The following RAPGEF4 variants were observed in gnomAD, a reference collection of about 807,000 sequenced individuals.
RAPGEF4 encodes RAP guanine-nucleotide-exchange factor (GEF) 4.
Under a neutral mutation model 147.9 loss-of-function variants are expected in RAPGEF4, and 66 were observed. The ratio of observed to expected loss-of-function variants is 0.45; its 90% CI spans 0.37 to 0.55. RAPGEF4 has a LOEUF of 0.55. Ranked by LOEUF, RAPGEF4 falls within the 20% of genes least tolerant of loss-of-function variation. The probability of loss-of-function intolerance (pLI) is 0.00; values close to 1 mark genes in which losing one functional copy is unlikely to be tolerated. For missense variants in RAPGEF4, 1,071 were observed against 1,257.3 expected, an observed-to-expected ratio of 0.85 and a Z score of 2.24; for synonymous variants, 419 against 442.7, an observed-to-expected ratio of 0.95 and a Z score of 0.67.
chr2:173,033,521 C>T (rs567223961), intron 26 of RAPGEF4, among the ~76,000 whole-genome samples: 164 of 152,320 alleles, frequency 1.1e-3, no homozygotes, highest in Non-Finnish European at 1.6e-3. Context: ...GTTTCATAAG[C>T]TCTTTTATTG....
chr2:172,849,369 T>C (rs989541854), intron 4 of RAPGEF4, among the ~76,000 whole-genome samples: 4 of 152,238 alleles, frequency 2.6e-5, no homozygotes, highest in African/African-American at 9.6e-5. Flanking sequence ...GTTAGTTACA[T>C]ACTAAAAGCA....
intron 17 of RAPGEF4, among the ~76,000 whole-genome samples, chr2:173,004,907 A>G (rs4972393): frequency 0.041 from 6,298 of 152,170 alleles, 184 homozygotes; most frequent in East Asian, 0.074. Flanking sequence ...ATATATAGAT[A>G]AAACTGCATC....
chr2:172,888,791 G>A (rs1264677413), intron 4 of RAPGEF4, among the ~76,000 whole-genome samples: 1 of 152,134 alleles, frequency 6.6e-6, no homozygotes, highest in Non-Finnish European at 1.5e-5. Context: ...AATACAGAAA[G>A]CAGCATTTTT....
chr2:172,980,752 A>G (rs1339725838), intron 10 of RAPGEF4, among the ~76,000 whole-genome samples: 3 of 152,158 alleles, frequency 2.0e-5, no homozygotes, highest in African/African-American at 7.2e-5. Flanking sequence ...ACAGTTCTTC[A>G]TCCTGTTTCA....
intron 4 of RAPGEF4, among the ~76,000 whole-genome samples, chr2:172,862,683 C>A (rs1307750444): frequency 6.6e-6 from 1 of 152,170 alleles, no homozygotes; most frequent in East Asian, 1.9e-4. Context: ...TGTTGCAACA[C>A]AGATCACCCT....
At chr2:172,896,823 T>A (rs1363521774) in intron 4 of RAPGEF4, among the ~76,000 whole-genome samples, 2 of 152,210 alleles carry the variant, frequency 1.3e-5, no homozygotes, top group African/African-American at 4.8e-5. Flanking sequence ...AGTTCACTGT[T>A]GGGTTTTGTG....
intron 4 of RAPGEF4, among the ~76,000 whole-genome samples, chr2:172,870,854 A>G (rs1371795277): frequency 6.6e-6 from 1 of 152,340 alleles, no homozygotes; most frequent in Middle Eastern, 3.4e-3. Flanking sequence ...GGATTTTGCT[A>G]GGAGAATCAG....
chr2:172,866,657 C>T (rs1694679878), intron 4 of RAPGEF4, among the ~76,000 whole-genome samples: 1 of 151,966 alleles, frequency 6.6e-6, no homozygotes, highest in Non-Finnish European at 1.5e-5. Flanking sequence ...ACTCCAAACT[C>T]AACTTGGATT....
At chr2:172,797,056 G>A (rs977573638) in intron 2 of RAPGEF4, among the ~76,000 whole-genome samples, 7 of 152,190 alleles carry the variant, frequency 4.6e-5, no homozygotes, top group African/African-American at 1.7e-4. Context: ...CTTAAAAGCA[G>A]TGAATTTATA....
chr2:172,823,798 A>G (rs1026854095), intron 4 of RAPGEF4, among the ~76,000 whole-genome samples: 6 of 152,218 alleles, frequency 3.9e-5, no homozygotes, highest in African/African-American at 1.4e-4. Flanking sequence ...AATAAATGCA[A>G]GACAAATCTT....
intron 10 of RAPGEF4, among the ~76,000 whole-genome samples, chr2:172,978,158 A>T (rs1188813492): frequency 6.6e-6 from 1 of 152,108 alleles, no homozygotes; most frequent in African/African-American, 2.4e-5. Context: ...GAGGTAAAGC[A>T]GGCTGCCCAC....
intron 10 of RAPGEF4, among the ~76,000 whole-genome samples, chr2:172,969,501 A>T (rs955838972): frequency 1.3e-5 from 2 of 152,244 alleles, no homozygotes; most frequent in African/African-American, 4.8e-5. Flanking sequence ...ATAAGCCATC[A>T]GTAAACCTTT....
At chr2:172,812,063 A>G (rs1688077475) in intron 3 of RAPGEF4, among the ~76,000 whole-genome samples, 1 of 152,202 alleles carries the variant, frequency 6.6e-6, no homozygotes, top group Non-Finnish European at 1.5e-5. Context: ...TTTGTCCTAA[A>G]AAATACTCTG....
chr2:172,936,084 GT>G, intron 6 of RAPGEF4, among the ~76,000 whole-genome samples: 1 of 152,254 alleles, frequency 6.6e-6, no homozygotes, highest in South Asian at 2.1e-4. Flanking sequence ...GGAAAAATAA[GT>G]GTTTTTAAAA....
chr2:172,844,450 G>A lies in RAPGEF4; in HGVS notation c.444+30025G>A, dbSNP rs376331780. Among the ~76,000 whole-genome samples the A allele has an allele frequency of 1.4e-4, 21 of 152,268 alleles. No individual in the cohort carries two copies. In the East Asian group the frequency reaches 4.1e-3, roughly 29 times the overall value. On this transcript the variant is annotated intron_variant, in intron 4 of 30. Coordinates refer to ENST00000397081, the MANE Select transcript of RAPGEF4 (RefSeq NM_007023.4). ...CTGTGCAGGCAGGCTCTGCTTTTCA[G>A]GAGAGAAAATGACTTCAGGACCTCT...
Position 172,965,627 on chromosome 2 carries a change from G to C in RAPGEF4, c.764G>C (p.Arg255Pro). The C allele has an allele frequency of 6.2e-7, 1 of 1,614,058 alleles. No individual in the cohort carries two copies. Among genetic ancestry groups the C allele is most frequent in the African/African-American group, 1.3e-5 (1 of 75,012 alleles). Residue 255 changes from arginine (R) to proline (P), a missense_variant, in exon 9 of 31, where the codon CGG becomes CCG. Coordinates refer to ENST00000397081, the MANE Select transcript of RAPGEF4 (RefSeq NM_007023.4). ...CAGCAGACACCATGTGTTCACTCCC[G>C]GACTCAAGCTGTTGGCATGTGGCAA... The part of the protein sequence containing the change: ...MMQQTPCVHS[R>P]TQAVGMWQVL...
At chr2:172,783,699 T>C (rs552114107) in intron 1 of RAPGEF4, among the ~76,000 whole-genome samples, 26 of 152,192 alleles carry the variant, frequency 1.7e-4, no homozygotes, top group African/African-American at 4.1e-4. Context: ...TGTGTATGTA[T>C]GTATCTCTGT....
chr2:172,849,074 CTT>C (rs71018522), intron 4 of RAPGEF4, among the ~76,000 whole-genome samples: 17 of 134,242 alleles, frequency 1.3e-4, no homozygotes, highest in Non-Finnish European at 9.8e-5. Flanking sequence ...GGGAGCTTTT[CTT>C]TTTTTTTTTT....
At chr2:172,995,662 G>A (rs1312822869) in intron 15 of RAPGEF4, among the ~76,000 whole-genome samples, 1 of 152,152 alleles carries the variant, frequency 6.6e-6, no homozygotes, top group East Asian at 1.9e-4. Context: ...CAGATCATCT[G>A]AATGTATTTT....
Sources: allele counts gnomAD v4.1 joint callset (sites outside exome capture counted in the v4.1 genomes callset), GRCh38; gene constraint gnomAD v4.1.1; transcripts MANE v1.5; gene names NCBI Gene and HGNC (gene_info 2026-07-23, HGNC 2026-07-21).